Variants in KCTD8 observed in about 807,000 individuals in gnomAD.
KCTD8 encodes the protein BTB/POZ domain-containing protein KCTD8.
Under a neutral mutation model 31.5 loss-of-function variants are expected in KCTD8, and 27 were observed. The ratio of observed to expected loss-of-function variants is 0.86; its 90% confidence interval spans 0.63 to 1.18. The LOEUF (loss-of-function observed/expected upper bound fraction) is 1.18, where lower values mean the gene tolerates loss of function less well. Ranked by LOEUF, KCTD8 falls within the 50% of genes most tolerant of loss-of-function variation. KCTD8 has a pLI of 0.00. For missense variants in KCTD8, 658 were observed against 647.7 expected, an observed-to-expected ratio of 1.02 and a Z score of -0.17; for synonymous variants, 290 against 280.0, an observed-to-expected ratio of 1.04 and a Z score of -0.36.
intron 1 of KCTD8, among the ~76,000 whole-genome samples, chr4:44,401,144 T>G (rs1353473726): frequency 6.7e-6 from 1 of 148,516 alleles, no homozygotes; most frequent in East Asian, 2.1e-4. Context: ...TGAATCACCA[T>G]GCCCAGCCAA....
In KCTD8 at chr4:44,179,405, A is replaced by AT. The variant is rs544278147; in HGVS notation, c.962-4156dup. 4.0e-5 allele frequency among the ~76,000 whole-genome samples: 6 copies of AT among 151,308 alleles called. No individual in the cohort carries two copies. The South Asian group carries it at 1.2e-3, about 31-fold the overall frequency. ...AAAAGGGGAACCTGAATTTACTGTG[A>AT]TTTTAAGAGCTTTAAAAATAAAAAG... On this transcript the variant is annotated intron_variant, in intron 1 of 1. Coordinates refer to ENST00000360029, the MANE Select transcript of KCTD8 (RefSeq NM_198353.3).
intron 1 of KCTD8, among the ~76,000 whole-genome samples, chr4:44,345,860 A>C (rs907793280): frequency 2.6e-5 from 4 of 152,098 alleles, no homozygotes; most frequent in African/African-American, 9.7e-5. Context: ...TTTAAGACTG[A>C]TTTATACATC....
intron 1 of KCTD8, among the ~76,000 whole-genome samples, chr4:44,420,902 A>C (rs1721192898): frequency 6.6e-6 from 1 of 152,086 alleles, no homozygotes; most frequent in African/African-American, 2.4e-5. Context: ...AAATAGTTTA[A>C]AATAGAGTAG....
At chr4:44,241,535 G>C (rs1464278948) in intron 1 of KCTD8, among the ~76,000 whole-genome samples, 12 of 152,174 alleles carry the variant, frequency 7.9e-5, no homozygotes, top group Admixed American at 7.9e-4. Flanking sequence ...GGCAAAGTCA[G>C]GTTTGGACCA....
At chr4:44,400,494 C>T (rs1416999949) in intron 1 of KCTD8, among the ~76,000 whole-genome samples, 7 of 151,842 alleles carry the variant, frequency 4.6e-5, no homozygotes, top group African/African-American at 1.2e-4. Flanking sequence ...TTTGGGAGGC[C>T]GTGGTGGGTG....
intron 1 of KCTD8, among the ~76,000 whole-genome samples, chr4:44,367,260 G>A (rs771833071): frequency 5.3e-5 from 8 of 152,114 alleles, no homozygotes; most frequent in African/African-American, 9.7e-5. Context: ...ATGATAAGCC[G>A]CAAGAGTACA....
At chr4:44,298,058 A>G (rs1717488410) in intron 1 of KCTD8, among the ~76,000 whole-genome samples, 1 of 152,196 alleles carries the variant, frequency 6.6e-6, no homozygotes, top group Non-Finnish European at 1.5e-5. Flanking sequence ...CACAAGAAGC[A>G]CAGTATCTGA....
intron 1 of KCTD8, among the ~76,000 whole-genome samples, chr4:44,416,523 A>G (rs1295748125): frequency 6.6e-6 from 1 of 152,150 alleles, no homozygotes; most frequent in South Asian, 2.1e-4. Context: ...AGTGGTAGGT[A>G]TTTGATCATA....
chr4:44,284,033 G>C (rs140859280), intron 1 of KCTD8, among the ~76,000 whole-genome samples: 7 of 152,242 alleles, frequency 4.6e-5, no homozygotes, highest in African/African-American at 1.7e-4. Context: ...AATCAATATG[G>C]TGAAAATGAC....
intron 1 of KCTD8, among the ~76,000 whole-genome samples, chr4:44,405,777 C>T (rs1176354081): frequency 6.8e-6 from 1 of 146,976 alleles, no homozygotes; most frequent in Non-Finnish European, 1.5e-5. Flanking sequence ...AATCAATCAT[C>T]CTCTAGCTAT....
At chr4:44,359,841 G>T (rs76202412) in intron 1 of KCTD8, among the ~76,000 whole-genome samples, 2,700 of 152,132 alleles carry the variant, frequency 0.018, 42 homozygotes, top group Middle Eastern at 0.031. Flanking sequence ...AAATATTTTT[G>T]AGATGACAGA....
At chr4:44,192,475 T>TACACACACACACAC (rs34405384) in intron 1 of KCTD8, among the ~76,000 whole-genome samples, 10 of 137,090 alleles carry the variant, frequency 7.3e-5, no homozygotes, top group Non-Finnish European at 1.4e-4. Context: ...TAAGCAAAGA[T>TACACACACACACAC]ACACACACAC....
rs191941752 is a variant in KCTD8 at position 44,300,739 on chromosome 4, A to G, written c.962-125489T>C. Among the ~76,000 whole-genome samples, 1,133 of 152,168 alleles carry G rather than the reference A, an allele frequency of 7.4e-3. 13 individuals carry two copies. Among genetic ancestry groups the G allele is most frequent in the African/African-American group, 0.025 (1,057 of 41,492 alleles). On this transcript the variant is annotated intron_variant, in intron 1 of 1. Transcript: ENST00000360029. The stretch of plus-strand genomic sequence containing the variant: ...ACTCTTTTTTTTATTATTATACTTT[A>G]AGTTTTAGGGTACACGTGCACAATG...
intron 1 of KCTD8, among the ~76,000 whole-genome samples, chr4:44,404,887 C>A (rs2109459167): frequency 6.6e-6 from 1 of 152,242 alleles, no homozygotes; most frequent in Non-Finnish European, 1.5e-5. Flanking sequence ...CTTTCAGGAG[C>A]TAAATGCCTC....
chr4:44,244,346 T>TA (rs1715589827), intron 1 of KCTD8, among the ~76,000 whole-genome samples: 2 of 152,164 alleles, frequency 1.3e-5, no homozygotes, highest in Admixed American at 1.3e-4. Context: ...CAGGCAATGA[T>TA]ACCCCAAAGT....
intron 1 of KCTD8, among the ~76,000 whole-genome samples, chr4:44,251,866 T>A (rs180735553): frequency 1.5e-4 from 23 of 151,734 alleles, no homozygotes; most frequent in East Asian, 7.8e-4. Context: ...TTAATTTTTT[T>A]AATTATTATT....
intron 1 of KCTD8, among the ~76,000 whole-genome samples, chr4:44,320,821 TAAA>T (rs35748647): frequency 1.0e-4 from 14 of 136,252 alleles, no homozygotes; most frequent in Non-Finnish European, 6.3e-5. Flanking sequence ...TCCTGATTCT[TAAA>T]AAAAAAAAAA....
intron 1 of KCTD8, among the ~76,000 whole-genome samples, chr4:44,381,566 C>T (rs1001401464): frequency 6.6e-6 from 1 of 151,974 alleles, no homozygotes; most frequent in African/African-American, 2.4e-5. Context: ...TAAAAAGAGA[C>T]AATTATATTG....
At chr4:44,404,132 C>A (rs1029380037) in intron 1 of KCTD8, among the ~76,000 whole-genome samples, 2 of 152,090 alleles carry the variant, frequency 1.3e-5, no homozygotes, top group African/African-American at 4.8e-5. Flanking sequence ...AAACCAAAAT[C>A]ATTTTACTGA....
Sources: allele counts gnomAD v4.1 joint callset (sites outside exome capture counted in the v4.1 genomes callset), GRCh38; gene constraint gnomAD v4.1.1; transcripts MANE v1.5; gene names NCBI Gene and HGNC (gene_info 2026-07-23, HGNC 2026-07-21).